The following PCDH11X variants were observed in gnomAD, a reference collection of about 807,000 sequenced individuals.
PCDH11X encodes the protein protocadherin 11 X-linked.
In PCDH11X, 18 loss-of-function variants were observed where a neutral mutation model predicts 53.3. The observed-to-expected ratio is 0.34, with a 90% CI of 0.23 to 0.50. The LOEUF is 0.50. Among genes scored for constraint, PCDH11X ranks in the 20% least tolerant of loss-of-function variants. PCDH11X has a pLI of 0.98. For synonymous variants in PCDH11X, 279 were observed against 393.3 expected (o/e 0.71, Z 3.44); for missense variants, 570 against 1,032.4 (o/e 0.55, Z 6.14).
rs762671052 is a variant in PCDH11X, at chrX:92,593,011, G to A, written c.3368-25253G>A. ...TGAATTGGCTTAATGAATAATAAGCGCTTAGATCAAATTTCAGAAAGAAAC... is the reference window on the plus strand; with the variant it reads ...TGAATTGGCTTAATGAATAATAAGCACTTAGATCAAATTTCAGAAAGAAAC... On this transcript the variant is annotated intron_variant, in intron 10 of 10. Coordinates refer to ENST00000682573, the MANE Select transcript of PCDH11X (RefSeq NM_032968.5). Among the ~76,000 whole-genome samples the A allele has an allele frequency of 1.7e-4, 19 of 110,470 alleles. No homozygotes were observed. In the South Asian group the frequency reaches 5.5e-3, roughly 32 times the overall value.
intron 9 of PCDH11X, among the ~76,000 whole-genome samples, chrX:92,413,404 CAT>C (rs769932929): frequency 1.7e-5 from 1 of 59,994 alleles, no homozygotes; most frequent in East Asian, 5.5e-4. Flanking sequence ...TTTAGATCTA[CAT>C]ATATATATAT....
intron 6 of PCDH11X, among the ~76,000 whole-genome samples, chrX:91,959,202 A>G (rs1380993574): frequency 2.8e-5 from 3 of 107,742 alleles, no homozygotes; most frequent in African/African-American, 6.7e-5. Flanking sequence ...AATAAAGTGC[A>G]CAGCCTGATG....
chrX:92,007,408 A>G (rs1216465377), intron 6 of PCDH11X, among the ~76,000 whole-genome samples: 1 of 111,671 alleles, frequency 9.0e-6, no homozygotes, highest in Non-Finnish European at 1.9e-5. Flanking sequence ...GCCATGAGGT[A>G]TACTGCCAGA....
chrX:92,024,548 T>C (rs1159728407), intron 6 of PCDH11X, among the ~76,000 whole-genome samples: 1 of 109,372 alleles, frequency 9.1e-6, no homozygotes, highest in Non-Finnish European at 1.9e-5. Flanking sequence ...TCCAGACTCA[T>C]AGATAGGAAG....
At chrX:92,112,247 A>G (rs1248370364) in intron 6 of PCDH11X, among the ~76,000 whole-genome samples, 2 of 109,393 alleles carry the variant, frequency 1.8e-5, no homozygotes, top group African/African-American at 6.7e-5. Context: ...TTATTTGTGC[A>G]GAAGACAGCT....
At chrX:91,842,690 T>A (rs1170551166) in intron 5 of PCDH11X, among the ~76,000 whole-genome samples, 4 of 106,494 alleles carry the variant, frequency 3.8e-5, no homozygotes, top group Non-Finnish European at 7.7e-5. Context: ...CATGCACATA[T>A]CTCTATACTT....
intron 8 of PCDH11X, among the ~76,000 whole-genome samples, chrX:92,308,288 G>C (rs191556173): frequency 9.0e-6 from 1 of 111,293 alleles, no homozygotes; most frequent in Admixed American, 9.6e-5. Context: ...TGTGGGTGCT[G>C]GTATGAATAC....
At chrX:92,172,722 G>A (rs1405341736) in intron 6 of PCDH11X, among the ~76,000 whole-genome samples, 1 of 111,406 alleles carries the variant, frequency 9.0e-6, no homozygotes, top group Non-Finnish European at 1.9e-5. Flanking sequence ...ATTTATATGG[G>A]GTCCTAGATA....
intron 8 of PCDH11X, among the ~76,000 whole-genome samples, chrX:92,359,717 A>C (rs1322591806): frequency 9.0e-6 from 1 of 110,656 alleles, no homozygotes; most frequent in South Asian, 3.8e-4. Context: ...GGTTTTGTAC[A>C]TGGTAACTAG....
chrX:92,491,504 G>A (rs758550888), intron 10 of PCDH11X, among the ~76,000 whole-genome samples: 15 of 110,084 alleles, frequency 1.4e-4, no homozygotes, highest in Admixed American at 4.9e-4. Flanking sequence ...ACACCTCTGC[G>A]TAGTAAAAAG....
chrX:92,360,361 C>T (rs1386986725), intron 8 of PCDH11X, among the ~76,000 whole-genome samples: 1 of 111,248 alleles, frequency 9.0e-6, no homozygotes, highest in East Asian at 2.8e-4. Context: ...CGCATTTCTA[C>T]AGCGTTTGAA....
rs376143990 is a variant in PCDH11X, at chrX:91,884,704, C to T, written c.3033+5431C>T. ...TGCTATATTCTTAAACTATTTATGA[C>T]TTACTAACAGTACTAACAGAATTTT... On this transcript the variant is annotated intron_variant, in intron 6 of 10. Transcript: ENST00000682573. Among the ~76,000 whole-genome samples, 21 of 111,699 alleles carry T rather than the reference C, an allele frequency of 1.9e-4. 1 individual carries two copies. In the South Asian group the frequency reaches 7.0e-3, roughly 37 times the overall value.
intron 7 of PCDH11X, among the ~76,000 whole-genome samples, chrX:92,223,506 CACTT>C (rs1373390161): frequency 8.9e-6 from 1 of 112,006 alleles, no homozygotes; most frequent in Non-Finnish European, 1.9e-5. Flanking sequence ...ATCTTATACT[CACTT>C]AGTGTTCTTC....
chrX:92,299,841 T>A (rs758790271), intron 8 of PCDH11X, among the ~76,000 whole-genome samples: 1 of 109,833 alleles, frequency 9.1e-6, no homozygotes, highest in Non-Finnish European at 1.9e-5. Flanking sequence ...ATTTCTTTTC[T>A]GATAGCTTTG....
chrX:92,079,812 G>T (rs2063828416), intron 6 of PCDH11X, among the ~76,000 whole-genome samples: 3 of 111,396 alleles, frequency 2.7e-5, no homozygotes, highest in South Asian at 7.5e-4. Context: ...ATTATTTATT[G>T]TATGACCTTG....
intron 6 of PCDH11X, among the ~76,000 whole-genome samples, chrX:91,929,251 A>G (rs1225162103): frequency 1.8e-5 from 2 of 111,023 alleles, no homozygotes; most frequent in Admixed American, 9.6e-5. Context: ...TATTTAGTTT[A>G]TATTGTTATA....
chrX:92,610,695 G>A (rs762324458), intron 10 of PCDH11X, among the ~76,000 whole-genome samples: 8 of 110,785 alleles, frequency 7.2e-5, no homozygotes, highest in East Asian at 2.9e-4. Context: ...ATGGTGTTTC[G>A]TATGGTTCCT....
intron 9 of PCDH11X, among the ~76,000 whole-genome samples, chrX:92,411,344 TG>T (rs1406095618): frequency 4.5e-5 from 5 of 111,041 alleles, no homozygotes; most frequent in African/African-American, 1.6e-4. Context: ...TGTGCCATGG[TG>T]GTTTGCTGCA....
chrX:91,876,570 T>C (rs1266399537), intron 5 of PCDH11X: 2 of 485,209 alleles, frequency 4.1e-6, no homozygotes, highest in Non-Finnish European at 5.0e-6. Context: ...AATCACGATA[T>C]TTGTTATAGG....
Sources: allele counts gnomAD v4.1 joint callset (sites outside exome capture counted in the v4.1 genomes callset), GRCh38; gene constraint gnomAD v4.1.1; transcripts MANE v1.5; gene names NCBI Gene and HGNC (gene_info 2026-07-23, HGNC 2026-07-21).